RPS6KA3: variants seen among roughly 807,000 people sequenced by gnomAD.
The protein encoded by RPS6KA3 is ribosomal protein S6 kinase A3, also known as ribosomal protein S6 kinase alpha-3.
A neutral mutation model predicts 67.2 loss-of-function variants in RPS6KA3; 4 were observed. The observed-to-expected ratio is 0.06, with a 90% CI of 0.03 to 0.14. The LOEUF (loss-of-function observed/expected upper bound fraction) is 0.14, where lower values mean the gene tolerates loss of function less well. RPS6KA3 is among the 10% of genes least tolerant of loss of function. The pLI is 1.00. For missense variants in RPS6KA3, 204 were observed against 559.0 expected (o/e 0.36, Z 6.40); for synonymous variants, 182 against 183.7 (o/e 0.99, Z 0.07).
chrX:20,191,440 C>T (rs775441254), intron 7 of RPS6KA3, among the ~76,000 whole-genome samples: 93 of 111,616 alleles, frequency 8.3e-4, no homozygotes, highest in African/African-American at 2.6e-3. Flanking sequence ...CTTGAGGAAT[C>T]GCCACACTGT....
At chrX:20,164,390 T>G (rs1266532634) in intron 18 of RPS6KA3, among the ~76,000 whole-genome samples, 1 of 105,673 alleles carries the variant, frequency 9.5e-6, no homozygotes, top group South Asian at 4.3e-4. Flanking sequence ...AGGGTTGTTT[T>G]TTTTTTTTTT....
chrX:20,165,004 A>G lies in RPS6KA3; in HGVS notation c.1659T>C (p.Asn553=). 2 of 1,204,319 alleles carry G rather than the reference A, an allele frequency of 1.7e-6. No homozygotes were observed. The highest frequency in any genetic ancestry group is 1.8e-5 in the South Asian group (1 of 56,836). The change falls in exon 18 of 22, where the codon AAT becomes AAC. Residue 553 remains asparagine, a synonymous_variant. Coordinates refer to ENST00000379565, the MANE Select transcript of RPS6KA3 (RefSeq NM_004586.3). ...AATCACAAATTCGAATAGATTCCGG[A>G]TTACCAGATTCATCCACATAAAGAA... The part of the protein sequence containing the change: ...SNILYVDESG[N]PESIRICDFG...
At chrX:20,190,580 A>G (rs2068095441) in intron 7 of RPS6KA3, among the ~76,000 whole-genome samples, 1 of 111,794 alleles carries the variant, frequency 8.9e-6, no homozygotes. Context: ...CATTTTTATG[A>G]ATGTTTAATC....
intron 7 of RPS6KA3, among the ~76,000 whole-genome samples, chrX:20,191,640 TCA>T (rs1463565828): frequency 1.0e-5 from 1 of 98,558 alleles, no homozygotes; most frequent in Non-Finnish European, 2.0e-5. Flanking sequence ...AGCTTTTCTT[TCA>T]TATGTTTGTT....
chrX:20,164,774 G>A, intron 18 of RPS6KA3, 125 bp downstream of exon 18: 1 of 562,208 alleles, frequency 1.8e-6, no homozygotes, highest in Admixed American at 2.8e-5. Flanking sequence ...ATGAAAGGCT[G>A]GCATTTTATC....
chrX:20,169,542 C>T (rs1555929530), intron 15 of RPS6KA3, 51 bp from the exon 16 acceptor site: 1 of 748,534 alleles, frequency 1.3e-6, no homozygotes, highest in South Asian at 2.1e-5. Context: ...CAGTTATAAA[C>T]ATTAATTGTT....
intron 15 of RPS6KA3, among the ~76,000 whole-genome samples, chrX:20,170,331 C>T (rs1215891180): frequency 9.0e-6 from 1 of 111,529 alleles, no homozygotes; most frequent in Non-Finnish European, 1.9e-5. Context: ...TACCCAGACA[C>T]TCCAGCAACC....
chrX:20,213,274 C>T (rs763012738), intron 2 of RPS6KA3, among the ~76,000 whole-genome samples: 6 of 111,787 alleles, frequency 5.4e-5, no homozygotes, highest in Non-Finnish European at 1.1e-4. Context: ...CTCACCCTCA[C>T]GCCTAGACTT....
At chrX:20,157,369 T>C (rs1266600806) in intron 20 of RPS6KA3, among the ~76,000 whole-genome samples, 1 of 106,943 alleles carries the variant, frequency 9.4e-6, no homozygotes, top group Admixed American at 1.0e-4. Context: ...CTGAGTGTGG[T>C]GGCATATGCC....
intron 2 of RPS6KA3, among the ~76,000 whole-genome samples, chrX:20,225,267 T>G (rs983646459): frequency 9.7e-6 from 1 of 102,945 alleles, no homozygotes; most frequent in African/African-American, 3.5e-5. Context: ...TTTTTTTTTT[T>G]TTAAGCTCTT....
intron 1 of RPS6KA3, among the ~76,000 whole-genome samples, chrX:20,260,921 G>A (rs2070208355): frequency 8.9e-6 from 1 of 112,151 alleles, no homozygotes; most frequent in Non-Finnish European, 1.9e-5. Flanking sequence ...CAGAGCTTAT[G>A]TTCTTTAACA....
At chrX:20,157,860 C>T (rs1456583581) in intron 20 of RPS6KA3, among the ~76,000 whole-genome samples, 2 of 111,210 alleles carry the variant, frequency 1.8e-5, no homozygotes, top group Non-Finnish European at 3.8e-5. Context: ...AATGCGGCTA[C>T]AGCATAAATT....
At chrX:20,165,159 A>T in intron 17 of RPS6KA3, 99 bp from the exon 18 acceptor site, 3 of 628,286 alleles carry the variant, frequency 4.8e-6, no homozygotes, top group African/African-American at 2.2e-5. Flanking sequence ...TAACAAGATG[A>T]TGAGTGCTGA....
intron 21 of RPS6KA3, 74 bp from the exon 22 acceptor site, chrX:20,155,594 G>T: frequency 9.4e-7 from 1 of 1,059,792 alleles, no homozygotes; most frequent in Middle Eastern, 2.5e-4. Flanking sequence ...AAAATGAAGA[G>T]TTTTTTCATA....
At chrX:20,266,135 G>A (rs1184992246) in intron 1 of RPS6KA3, 1 of 119,996 alleles carries the variant, frequency 8.3e-6, no homozygotes, top group African/African-American at 3.4e-5. Flanking sequence ...GGACTCGAGA[G>A]TCCCTGCTCC....
chrX:20,249,299 A>G (rs1308865338), intron 1 of RPS6KA3, among the ~76,000 whole-genome samples: 2 of 112,257 alleles, frequency 1.8e-5, no homozygotes, highest in African/African-American at 3.2e-5. Flanking sequence ...TTATGTGGAC[A>G]TAAGTTTTCA....
chrX:20,168,742 GA>G (rs1479734080), intron 16 of RPS6KA3, among the ~76,000 whole-genome samples: 2 of 112,140 alleles, frequency 1.8e-5, no homozygotes, highest in African/African-American at 6.5e-5. Flanking sequence ...AGCAAAAGTA[GA>G]AAAAAATAAC....
intron 10 of RPS6KA3, among the ~76,000 whole-genome samples, chrX:20,184,397 C>CTTTTTT (rs1176222205): frequency 9.3e-5 from 8 of 86,447 alleles, no homozygotes; most frequent in East Asian, 3.6e-4. Flanking sequence ...CATTACTTTT[C>CTTTTTT]TTTTTTTTTT....
chrX:20,189,262 G>A (rs1482860792), intron 7 of RPS6KA3, among the ~76,000 whole-genome samples: 4 of 111,837 alleles, frequency 3.6e-5, no homozygotes, highest in African/African-American at 9.8e-5. Flanking sequence ...GCTCCTAGAA[G>A]GTTTGACCTT....
Sources: gnomAD v4.1 joint callset for allele counts (sites outside exome capture counted in the v4.1 genomes callset) on GRCh38, gnomAD v4.1.1 for gene constraint, MANE v1.5 for transcripts, NCBI Gene and HGNC (gene_info 2026-07-23, HGNC 2026-07-21) for gene names.